The following GPX7 variants were observed in gnomAD, a reference collection of about 807,000 sequenced individuals.
The protein encoded by GPX7 is glutathione peroxidase 7, also known as protein peroxidase GPX7.
In GPX7, 21 loss-of-function variants were observed where a neutral mutation model predicts 23.7. The ratio of observed to expected loss-of-function variants is 0.89; its 90% CI spans 0.63 to 1.28. The LOEUF (loss-of-function observed/expected upper bound fraction) is 1.28. GPX7 is among the 50% of genes most tolerant of loss of function. The pLI is 0.00. For synonymous variants in GPX7, 112 were observed against 101.8 expected (o/e 1.10, Z -0.61); for missense variants, 238 against 237.3 (o/e 1.00, Z -0.02).
Position 52,608,717 on chromosome 1 carries a change from A to C in GPX7, c.*292A>C. 1 of 196,886 alleles carries C rather than the reference A, an allele frequency of 5.1e-6. No individual in the cohort carries two copies. Among genetic ancestry groups the C allele is most frequent in the Non-Finnish European group, 1.0e-5 (1 of 96,232 alleles). The allele number at this position is 196,886 out of a possible 1,614,324, so 12.2% of individuals were successfully genotyped here. On this transcript the variant is annotated 3_prime_UTR_variant, in exon 3 of 3. Coordinates refer to ENST00000361314, the MANE Select transcript of GPX7 (RefSeq NM_015696.5). ...GCAAATAGAAGTATATCAAGCAATA[A>C]TCTCCCACCCAAGGCTTCTGTAAAC...
chr1:52,606,467 ATGTT>A (rs1476649327), intron 1 of GPX7, among the ~76,000 whole-genome samples: 2 of 152,072 alleles, frequency 1.3e-5, no homozygotes, highest in African/African-American at 4.8e-5. Context: ...AAGCTCCTGA[ATGTT>A]TGATTTCATA....
intron 1 of GPX7, among the ~76,000 whole-genome samples, chr1:52,605,983 T>TGTTA: frequency 6.6e-6 from 1 of 152,130 alleles, no homozygotes; most frequent in Non-Finnish European, 1.5e-5. Context: ...ACAAAAGTGG[T>TGTTA]GTTAGTTCTC....
rs141868045 is a variant in GPX7 at position 52,608,309 on chromosome 1, G to A, written c.448G>A (p.Ala150Thr). Residue 150 changes from alanine to threonine, a missense_variant, in exon 3 of 3, where the codon GCC becomes ACC. Transcript: ENST00000361314. ...PTWNFWKYLV[A>T]PDGKVVGAWD... is the part of the protein sequence containing the mutation. ...CTGGAACTTCTGGAAGTACCTAGTAGCCCCAGATGGAAAGGTGGTAGGGGC... is the reference window on the plus strand; with the variant it reads ...CTGGAACTTCTGGAAGTACCTAGTAACCCCAGATGGAAAGGTGGTAGGGGC... 2.5e-6 allele frequency: 4 copies of A among 1,613,828 alleles called. No individual in the cohort carries two copies. In the African/African-American group the frequency reaches 5.3e-5, roughly 22 times the overall value.
Position 52,606,806 on chromosome 1 carries a change from C to T in GPX7, c.261C>T (p.Asn87=). Reference sequence around the variant, plus strand: ...TTAACGTGCTCGCCTTCCCCTGCAACCAGTTTGGCCAACAGGAGCCTGACA... The same window carrying T: ...TTAACGTGCTCGCCTTCCCCTGCAATCAGTTTGGCCAACAGGAGCCTGACA... The part of the protein sequence containing the change: ...HHFNVLAFPC[N]QFGQQEPDSN... Residue 87 remains asparagine (N), a synonymous_variant, in exon 2 of 3, where the codon AAC becomes AAT. Transcript: ENST00000361314. 3 of 1,614,200 alleles carry T rather than the reference C, an allele frequency of 1.9e-6. No homozygotes were observed. The highest frequency in any genetic ancestry group is 2.5e-6 in the Non-Finnish European group (3 of 1,180,032).
At chr1:52,608,025 C>T (rs756935228) in intron 2 of GPX7, among the ~76,000 whole-genome samples, 68 of 152,160 alleles carry the variant, frequency 4.5e-4, no homozygotes, top group Non-Finnish European at 5.9e-4. Context: ...TTATCAAGCA[C>T]GTCACAGAAT....
At chr1:52,603,450 G>A (rs545804936) in intron 1 of GPX7, among the ~76,000 whole-genome samples, 1 of 152,294 alleles carries the variant, frequency 6.6e-6, no homozygotes, top group South Asian at 2.1e-4. Flanking sequence ...GAAACGACTG[G>A]CAAGGGAGCA....
At position 52,608,639 on chromosome 1, in the gene GPX7, C is replaced by T. The variant is rs1690880809; in HGVS notation, c.*214C>T. 2.8e-6 allele frequency: 1 copy of T among 355,946 alleles called. No individual in the cohort carries two copies. Among genetic ancestry groups the T allele is most frequent in the African/African-American group, 2.1e-5 (1 of 47,784 alleles). 22.0% of individuals were successfully genotyped at this position (355,946 alleles called of 1,614,324 possible). A position where few individuals can be genotyped will look rare whatever the true frequency, so the allele number is the denominator to read the frequency against. On this transcript the variant is annotated 3_prime_UTR_variant, in exon 3 of 3. Transcript: ENST00000361314. The stretch of plus-strand genomic sequence containing the variant: ...TAGGAACTCCTGGCCAATGAGAGCT[C>T]TTGACCAGTGAATCACCAGCCGATA...
chr1:52,602,598 G>A, intron 1 of GPX7, 51 bp downstream of exon 1: 2 of 1,224,894 alleles, frequency 1.6e-6, no homozygotes, highest in Non-Finnish European at 1.1e-6. Flanking sequence ...CGCCCTGGCG[G>A]GGCCTGCTGG....
At position 52,608,688 on chromosome 1, in the gene GPX7, T is replaced by C. The variant is rs1217156447; in HGVS notation, c.*263T>C. 1.2e-5 allele frequency: 3 copies of C among 252,958 alleles called. No individual in the cohort carries two copies. The highest frequency in any genetic ancestry group is 2.3e-5 in the Non-Finnish European group (3 of 131,424). The allele number at this position is 252,958 out of a possible 1,614,324, so 15.7% of individuals were successfully genotyped here. A position where few individuals can be genotyped will look rare whatever the true frequency, so the allele number is the denominator to read the frequency against. ...TACGAACGTCTTGCCAACAAAAATG[T>C]GTGGCAAATAGAAGTATATCAAGCA... On this transcript the variant is annotated 3_prime_UTR_variant, in exon 3 of 3. Coordinates refer to ENST00000361314, the MANE Select transcript of GPX7 (RefSeq NM_015696.5).
At chr1:52,608,121 C>G (rs988424576) in intron 2 of GPX7, 141 bp from the exon 3 acceptor site, 1 of 645,494 alleles carries the variant, frequency 1.5e-6, no homozygotes, top group African/African-American at 1.8e-5. Flanking sequence ...GCCTCACCCT[C>G]AGAGATTCTG....
rs1419849500 is a variant in GPX7 at position 52,606,793 on chromosome 1, C to A, written c.248C>A (p.Ala83Asp). ...DLGPHHFNVL[A>D]FPCNQFGQQE... ...GGCCCCCACCACTTTAACGTGCTCG[C>A]CTTCCCCTGCAACCAGTTTGGCCAA... is the stretch of plus-strand genomic sequence containing the variant. Residue 83 changes from alanine (A) to aspartate (D), a missense_variant, in exon 2 of 3, where the codon GCC becomes GAC. Transcript: ENST00000361314. 3 of 1,614,066 alleles carry A rather than the reference C, an allele frequency of 1.9e-6. No homozygotes were observed. The highest frequency in any genetic ancestry group is 1.6e-4 in the Middle Eastern group (1 of 6,084).
At chr1:52,607,726 A>AT (rs1278325320) in intron 2 of GPX7, among the ~76,000 whole-genome samples, 1 of 151,780 alleles carries the variant, frequency 6.6e-6, no homozygotes, top group African/African-American at 2.4e-5. Context: ...CCTAATGTTG[A>AT]TTTTTTTCTC....
chr1:52,607,628 TCA>T lies in GPX7; in HGVS notation c.401-632_401-631del, dbSNP rs372195145. The stretch of plus-strand genomic sequence containing the variant: ...GCCACCACCCCACCCTGCAACCCAT[TCA>T]CCTGGAGGAGTAAATGAGAAGCAAG... On this transcript the variant is annotated intron_variant, in intron 2 of 2. Transcript: ENST00000361314. 3.9e-5 allele frequency among the ~76,000 whole-genome samples: 6 copies of T among 152,248 alleles called. No individual in the cohort carries two copies. In the East Asian group the frequency reaches 1.2e-3, roughly 29 times the overall value.
chr1:52,608,167 A>G, intron 2 of GPX7, 95 bp from the exon 3 acceptor site: 1 of 1,178,714 alleles, frequency 8.5e-7, no homozygotes, highest in Non-Finnish European at 1.2e-6. Context: ...GGGCATCAGG[A>G]TTAGCTGCCA....
At chr1:52,603,300 G>A (rs2149859250) in intron 1 of GPX7, among the ~76,000 whole-genome samples, 1 of 142,946 alleles carries the variant, frequency 7.0e-6, no homozygotes, top group South Asian at 2.5e-4. Flanking sequence ...TCTGGGTTGA[G>A]TCTTTGAATA....
intron 1 of GPX7, among the ~76,000 whole-genome samples, chr1:52,604,783 G>T (rs1383025939): frequency 1.3e-5 from 2 of 152,152 alleles, no homozygotes; most frequent in Non-Finnish European, 2.9e-5. Flanking sequence ...AGTGGCTCAC[G>T]CCTGTAATCC....
Position 52,606,892 on chromosome 1 carries a change from G to A in GPX7, c.347G>A (p.Ser116Asn). The A allele has an allele frequency of 6.2e-7, 1 of 1,614,214 alleles. No individual in the cohort carries two copies. Among genetic ancestry groups the A allele is most frequent in the Non-Finnish European group, 8.5e-7 (1 of 1,180,044 alleles). The change falls in exon 2 of 3, where the codon AGC (serine) becomes AAC (asparagine). Residue 116 changes from serine to asparagine, a missense_variant. Transcript: ENST00000361314. ...RTYSVSFPMF[S>N]KIAVTGTGAH... is the part of the protein sequence containing the mutation. ...TACAGTGTCTCATTCCCCATGTTTA[G>A]CAAGATTGCAGTCACCGGTACTGGT...
Position 52,608,263 on chromosome 1 carries a change from G to C in GPX7, c.402G>C (p.Gln134His), listed in dbSNP as rs1321825465. The part of the protein sequence containing the change: ...GAHPAFKYLA[Q>H]TSGKEPTWNF... ...TTGCTCTCCTTCCTTTTTCTCTAGAGACTTCTGGGAAGGAGCCCACCTGGA... is the reference window on the plus strand; with the variant it reads ...TTGCTCTCCTTCCTTTTTCTCTAGACACTTCTGGGAAGGAGCCCACCTGGA... The change falls in exon 3 of 3, where the codon CAG becomes CAC. Residue 134 changes from glutamine (Q) to histidine (H), a missense_variant and splice_region_variant. Coordinates refer to ENST00000361314, the MANE Select transcript of GPX7 (RefSeq NM_015696.5). The C allele has an allele frequency of 1.2e-6, 2 of 1,607,482 alleles. No individual in the cohort carries two copies. Among genetic ancestry groups the C allele is most frequent in the Non-Finnish European group, 1.7e-6 (2 of 1,177,742 alleles).
chr1:52,604,218 C>T (rs142270769), intron 1 of GPX7, among the ~76,000 whole-genome samples: 101 of 152,254 alleles, frequency 6.6e-4, no homozygotes, highest in African/African-American at 2.2e-3. Context: ...AATTTGAACC[C>T]AGACAGTCCA....
Sources: allele counts gnomAD v4.1 joint callset (sites outside exome capture counted in the v4.1 genomes callset), GRCh38; gene constraint gnomAD v4.1.1; transcripts MANE v1.5; gene names NCBI Gene and HGNC (gene_info 2026-07-23, HGNC 2026-07-21).